Variants in NRXN3 observed in about 807,000 individuals in gnomAD.
The protein encoded by NRXN3 is neurexin III.
NRXN3 carries 32 observed loss-of-function variants against 137.6 expected under a neutral mutation model. The observed-to-expected ratio is 0.23, with a 90% confidence interval of 0.18 to 0.31. The LOEUF is 0.31. Ranked by LOEUF, NRXN3 falls within the 10% of genes least tolerant of loss-of-function variation. The pLI is 1.00. For missense variants in NRXN3, 1,574 were observed against 2,062.5 expected, an observed-to-expected ratio of 0.76 and a Z score of 4.59; for synonymous variants, 798 against 784.5, an observed-to-expected ratio of 1.02 and a Z score of -0.29.
At chr14:79,797,267 C>G (rs547047570) in intron 19 of NRXN3, among the ~76,000 whole-genome samples, 70 of 152,166 alleles carry the variant, frequency 4.6e-4, no homozygotes, top group African/African-American at 1.6e-3. Context: ...GCTATATGAG[C>G]AAGTAAGTTA....
At chr14:78,883,413 G>C (rs930869997) in intron 10 of NRXN3, among the ~76,000 whole-genome samples, 1 of 152,182 alleles carries the variant, frequency 6.6e-6, no homozygotes. Context: ...AAAGCACAGA[G>C]CTGGAAGTGG....
intron 4 of NRXN3, among the ~76,000 whole-genome samples, chr14:78,633,787 G>C (rs923497235): frequency 6.6e-6 from 1 of 152,216 alleles, no homozygotes; most frequent in Non-Finnish European, 1.5e-5. Flanking sequence ...GAGTACTGCA[G>C]AAATGGTAAA....
chr14:79,200,555 C>A (rs1288730998), intron 15 of NRXN3, among the ~76,000 whole-genome samples: 2 of 152,162 alleles, frequency 1.3e-5, no homozygotes, highest in African/African-American at 4.8e-5. Context: ...AGAAAAGGAG[C>A]CCTAAAGGTC....
intron 4 of NRXN3, among the ~76,000 whole-genome samples, chr14:78,469,682 G>A (rs766389072): frequency 7.9e-5 from 12 of 152,118 alleles, no homozygotes; most frequent in Non-Finnish European, 1.3e-4. Flanking sequence ...AAGTAGAGAT[G>A]GTGGGAAATC....
intron 15 of NRXN3, among the ~76,000 whole-genome samples, chr14:79,345,431 C>T (rs987387760): frequency 6.6e-6 from 1 of 152,152 alleles, no homozygotes; most frequent in South Asian, 2.1e-4. Context: ...ACCTCTGACA[C>T]AGCTCCTGTC....
At chr14:79,426,597 C>A (rs1375086604) in intron 15 of NRXN3, among the ~76,000 whole-genome samples, 1 of 152,172 alleles carries the variant, frequency 6.6e-6, no homozygotes. Flanking sequence ...CCAACAGCCA[C>A]TTCTTTTACT....
At chr14:78,251,270 A>T (rs2068581024) in intron 2 of NRXN3, among the ~76,000 whole-genome samples, 1 of 152,108 alleles carries the variant, frequency 6.6e-6, no homozygotes, top group African/African-American at 2.4e-5. Flanking sequence ...TTCTCTCTGC[A>T]TGTAAAAAAA....
At chr14:79,284,462 GT>G (rs1332740729) in intron 15 of NRXN3, among the ~76,000 whole-genome samples, 1 of 146,704 alleles carries the variant, frequency 6.8e-6, no homozygotes, top group East Asian at 2.0e-4. Context: ...AGGATTCAAG[GT>G]TTTATATGTA....
chr14:79,494,123 C>T (rs2096743520), intron 16 of NRXN3, among the ~76,000 whole-genome samples: 1 of 152,168 alleles, frequency 6.6e-6, no homozygotes, highest in Admixed American at 6.5e-5. Flanking sequence ...CTAATTCTCT[C>T]ACCAGTTTAT....
chr14:78,856,010 T>C (rs916570554), intron 10 of NRXN3, among the ~76,000 whole-genome samples: 2 of 152,200 alleles, frequency 1.3e-5, no homozygotes, highest in African/African-American at 2.4e-5. Flanking sequence ...TCTTTCCTCA[T>C]TGGTACCAAG....
chr14:79,114,950 G>A (rs372524025), intron 15 of NRXN3, among the ~76,000 whole-genome samples: 26 of 151,956 alleles, frequency 1.7e-4, no homozygotes, highest in Non-Finnish European at 3.1e-4. Flanking sequence ...CTTTAAATAC[G>A]ACATTACTCT....
chr14:78,963,079 C>G (rs1160311499), intron 11 of NRXN3, among the ~76,000 whole-genome samples: 1 of 151,986 alleles, frequency 6.6e-6, no homozygotes, highest in Non-Finnish European at 1.5e-5. Flanking sequence ...AGTTTGTGTT[C>G]CTGGGCTAAG....
chr14:79,792,727 G>C (rs2099149063), intron 19 of NRXN3, among the ~76,000 whole-genome samples: 1 of 152,170 alleles, frequency 6.6e-6, no homozygotes, highest in Non-Finnish European at 1.5e-5. Flanking sequence ...GGGTGGAAAG[G>C]CCGCCCACTT....
rs190014752 is a variant in NRXN3 at position 78,295,056 on chromosome 14, A to G, written c.728-2775A>G. ...TAGAAGGCGGAGAAGCAGAATTTCA[A>G]AATAGACCTGGGCATGATGGAATTC... On this transcript the variant is annotated intron_variant, in intron 3 of 20. Coordinates refer to ENST00000335750, the MANE Select transcript of NRXN3 (RefSeq NM_001330195.2). Among the ~76,000 whole-genome samples, 40 of 152,312 alleles carry G rather than the reference A, an allele frequency of 2.6e-4. No individual in the cohort carries two copies. The East Asian group carries it at 7.1e-3, about 27-fold the overall frequency.
chr14:79,580,155 A>G (rs1181664736), intron 16 of NRXN3, among the ~76,000 whole-genome samples: 1 of 152,170 alleles, frequency 6.6e-6, no homozygotes, highest in Non-Finnish European at 1.5e-5. Flanking sequence ...GTATTCATAT[A>G]TATATCACAT....
At chr14:78,943,006 C>G (rs1014761562) in intron 10 of NRXN3, among the ~76,000 whole-genome samples, 6 of 151,934 alleles carry the variant, frequency 3.9e-5, no homozygotes, top group African/African-American at 1.4e-4. Context: ...CTGAGAAATA[C>G]CCTAGAGGAA....
chr14:78,880,221 C>T (rs1482677734), intron 10 of NRXN3, among the ~76,000 whole-genome samples: 2 of 105,092 alleles, frequency 1.9e-5, no homozygotes, highest in African/African-American at 9.5e-5. Context: ...GCCTGGGCGA[C>T]AGAGCGAGAC....
chr14:78,239,478 T>C (rs971481862), intron 1 of NRXN3, among the ~76,000 whole-genome samples: 6 of 152,204 alleles, frequency 3.9e-5, no homozygotes, highest in African/African-American at 1.4e-4. Flanking sequence ...CAAGGAATCA[T>C]ATTCTTAGAA....
At chr14:79,270,459 A>G (rs1021319172) in intron 15 of NRXN3, among the ~76,000 whole-genome samples, 5 of 152,204 alleles carry the variant, frequency 3.3e-5, no homozygotes, top group Admixed American at 2.6e-4. Flanking sequence ...CTGTGAGAAA[A>G]AGAGTTTTCG....
Sources: gnomAD v4.1 joint callset for allele counts (sites outside exome capture counted in the v4.1 genomes callset) on GRCh38, gnomAD v4.1.1 for gene constraint, MANE v1.5 for transcripts, NCBI Gene and HGNC (gene_info 2026-07-23, HGNC 2026-07-21) for gene names.